The following SH3BP4 variants were observed in gnomAD, a reference collection of about 807,000 sequenced individuals.
The protein encoded by SH3BP4 is SH3 domain-binding protein 4.
SH3BP4 carries 33 observed loss-of-function variants against 65.5 expected under a neutral mutation model. The ratio of observed to expected loss-of-function variants is 0.50; its 90% confidence interval spans 0.38 to 0.67. The LOEUF is 0.67. SH3BP4 is among the 30% of genes least tolerant of loss of function. SH3BP4 has a pLI of 0.00. For missense variants in SH3BP4, 1,134 were observed against 1,261.4 expected, an observed-to-expected ratio of 0.90 and a Z score of 1.53; for synonymous variants, 552 against 545.5, an observed-to-expected ratio of 1.01 and a Z score of -0.17.
intron 1 of SH3BP4, chr2:234,979,701 T>C (rs1693300486): frequency 6.6e-6 from 1 of 152,222 alleles, no homozygotes; most frequent in East Asian, 1.9e-4. Context: ...GGCTGCCATA[T>C]AGAGAGGCCA....
chr2:235,053,804 C>T lies in SH3BP4; in HGVS notation c.2880C>T (p.Asp960=), dbSNP rs1696140675. 1 of 1,613,780 alleles carries T rather than the reference C, an allele frequency of 6.2e-7. No individual in the cohort carries two copies. The highest frequency in any genetic ancestry group is 1.3e-5 in the African/African-American group (1 of 74,932). ...AAAFSPADQD[D]FVI is the part of the protein sequence containing the mutation. ...CCTTCAGCCCTGCGGACCAGGACGA[C>T]TTCGTGATTTGAATGGGTCCCCTCC... The change falls in exon 6 of 6, where the codon GAC becomes GAT. Residue 960 remains aspartate, a synonymous_variant. Transcript: ENST00000392011.
chr2:235,044,561 G>A (rs1047852422), intron 4 of SH3BP4, among the ~76,000 whole-genome samples: 6 of 152,304 alleles, frequency 3.9e-5, no homozygotes, highest in South Asian at 2.1e-4. Context: ...TGACCTTGGC[G>A]TGTGCCGCTC....
chr2:234,986,796 T>C (rs920160350), intron 1 of SH3BP4, among the ~76,000 whole-genome samples: 2 of 146,908 alleles, frequency 1.4e-5, no homozygotes, highest in African/African-American at 5.1e-5. Flanking sequence ...GGATACATTA[T>C]GCTAATGATT....
intron 1 of SH3BP4, among the ~76,000 whole-genome samples, chr2:234,968,802 A>G (rs530877239): frequency 6.6e-6 from 1 of 152,310 alleles, no homozygotes; most frequent in African/African-American, 2.4e-5. Context: ...TTTTACCAGT[A>G]GAGAAATCCT....
In SH3BP4 at chr2:235,034,426, A is replaced by T. The variant is rs1036203928; in HGVS notation, c.-132-445A>T. Among the ~76,000 whole-genome samples, 1 of 152,036 alleles carries T rather than the reference A, an allele frequency of 6.6e-6. No individual in the cohort carries two copies. Among genetic ancestry groups the T allele is most frequent in the African/African-American group, 2.4e-5 (1 of 41,404 alleles). ...CATTGATGGCTGCTTCCCGGGGCCG[A>T]GTCACCATGATGACTGCCCCTGCGC... On this transcript the variant is annotated intron_variant, in intron 2 of 5. Coordinates refer to ENST00000392011, the MANE Select transcript of SH3BP4 (RefSeq NM_014521.3). The surrounding 1 kb of genome is among the most constrained non-coding windows in gnomAD (Gnocchi z 6.2).
chr2:234,960,024 C>G (rs1036557785), intron 1 of SH3BP4, among the ~76,000 whole-genome samples: 1 of 152,210 alleles, frequency 6.6e-6, no homozygotes, highest in Admixed American at 6.5e-5. Flanking sequence ...TACATTTAAG[C>G]ATTTTTAAAT....
chr2:235,013,626 T>C (rs1694592163), intron 2 of SH3BP4, among the ~76,000 whole-genome samples: 2 of 152,220 alleles, frequency 1.3e-5, no homozygotes, highest in South Asian at 4.1e-4. Context: ...CCAATGTAAC[T>C]GTTGGACTGA....
rs1302079559 is a variant in SH3BP4 at position 234,997,209 on chromosome 2, A to T, written c.-133+1833A>T. ...ACCATCCACAGGCCACCACACTTTA[A>T]GCTGATTTTCGTTTTGCCTTGTTTT... On this transcript the variant is annotated intron_variant, in intron 2 of 5. Coordinates refer to ENST00000392011, the MANE Select transcript of SH3BP4 (RefSeq NM_014521.3). The surrounding 1 kb of genome is among the most constrained non-coding windows in gnomAD (Gnocchi z 4.2). Among the ~76,000 whole-genome samples the T allele has an allele frequency of 2.0e-5, 3 of 152,130 alleles. No homozygotes were observed. The highest frequency in any genetic ancestry group is 7.2e-5 in the African/African-American group (3 of 41,420).
rs768075368 is a variant in SH3BP4, at chr2:235,035,134, G to A, written c.118+14G>A. 1.3e-6 allele frequency: 2 copies of A among 1,578,904 alleles called. No individual in the cohort carries two copies. Among genetic ancestry groups the A allele is most frequent in the Non-Finnish European group, 1.7e-6 (2 of 1,147,808 alleles). The stretch of plus-strand genomic sequence containing the variant: ...ATGACATCAAAGGTGAGCTTCTGGG[G>A]AACAGGACTGTGGCTAAGGGAGAAC... On this transcript the variant is annotated intron_variant, in intron 3 of 5. Transcript: ENST00000392011. This position sits in a 1 kb window ranked among gnomAD's most constrained non-coding sequence, Gnocchi z 5.0.
chr2:234,989,202 C>T (rs1009359481), intron 1 of SH3BP4, among the ~76,000 whole-genome samples: 32 of 149,502 alleles, frequency 2.1e-4, no homozygotes, highest in Admixed American at 1.2e-3. Context: ...TAGTCTTGGA[C>T]GTGCCGTGCA....
At chr2:235,028,007 G>A (rs1166044841) in intron 2 of SH3BP4, among the ~76,000 whole-genome samples, 4 of 152,206 alleles carry the variant, frequency 2.6e-5, no homozygotes, top group Non-Finnish European at 2.9e-5. Context: ...TGAGTTTGCC[G>A]CCGGAATCTG....
intron 2 of SH3BP4, among the ~76,000 whole-genome samples, chr2:235,017,009 G>C (rs1390515602): frequency 7.1e-6 from 1 of 141,732 alleles, no homozygotes; most frequent in Non-Finnish European, 1.5e-5. Flanking sequence ...AAATCACCCA[G>C]ATCTCACTTT....
In SH3BP4 at chr2:234,967,719, C is replaced by T. The variant is rs1206775083; in HGVS notation, c.-207+15549C>T. ...AGACAGGTGTCACTGAAGCCCCTCA[C>T]CCAGTGACCCAGTGATGCTGAGTCC... On this transcript the variant is annotated intron_variant, in intron 1 of 5. Coordinates refer to ENST00000392011, the MANE Select transcript of SH3BP4 (RefSeq NM_014521.3). The surrounding 1 kb of genome is among the most constrained non-coding windows in gnomAD (Gnocchi z 4.6). 1.3e-5 allele frequency among the ~76,000 whole-genome samples: 2 copies of T among 152,216 alleles called. No homozygotes were observed. The highest frequency in any genetic ancestry group is 2.9e-5 in the Non-Finnish European group (2 of 68,036).
chr2:234,980,661 C>T (rs1693348750), intron 1 of SH3BP4, among the ~76,000 whole-genome samples: 1 of 152,222 alleles, frequency 6.6e-6, no homozygotes, highest in South Asian at 2.1e-4. Flanking sequence ...TCCAGCTCCA[C>T]TTCCCACAGC....
chr2:235,051,922 T>C (rs745390743), intron 4 of SH3BP4, among the ~76,000 whole-genome samples: 4 of 152,130 alleles, frequency 2.6e-5, no homozygotes, highest in Non-Finnish European at 5.9e-5. Flanking sequence ...CTCTAATCCA[T>C]ATTCACCCTG....
At chr2:234,975,272 G>C (rs1693134638) in intron 1 of SH3BP4, among the ~76,000 whole-genome samples, 1 of 152,196 alleles carries the variant, frequency 6.6e-6, no homozygotes, top group African/African-American at 2.4e-5. Flanking sequence ...CACTGAGGGT[G>C]CAGGGTGCTA....
At chr2:234,954,722 G>C (rs918991631) in intron 1 of SH3BP4, among the ~76,000 whole-genome samples, 1 of 152,160 alleles carries the variant, frequency 6.6e-6, no homozygotes, top group African/African-American at 2.4e-5. Context: ...TGTGGTTTAC[G>C]CCCTTGAATC....
At chr2:235,017,658 C>T (rs986447389) in intron 2 of SH3BP4, among the ~76,000 whole-genome samples, 1 of 152,082 alleles carries the variant, frequency 6.6e-6, no homozygotes, top group African/African-American at 2.4e-5. Context: ...TATTTCTGCA[C>T]ACGTGCTTAT....
chr2:235,039,236 T>TA, intron 3 of SH3BP4, among the ~76,000 whole-genome samples: 1 of 152,180 alleles, frequency 6.6e-6, no homozygotes, highest in Admixed American at 6.5e-5. Flanking sequence ...TGCTCCCAGC[T>TA]AAGCGCATCT....
Sources: gnomAD v4.1 joint callset for allele counts (sites outside exome capture counted in the v4.1 genomes callset) on GRCh38, gnomAD v4.1.1 for gene constraint, Gnocchi (gnomAD v3.1) non-coding constraint, MANE v1.5 for transcripts, NCBI Gene and HGNC (gene_info 2026-07-23, HGNC 2026-07-21) for gene names.